Variants in COL21A1 observed in about 807,000 individuals in gnomAD.
COL21A1 encodes collagen alpha-1(XXI) chain.
COL21A1 carries 149 observed loss-of-function variants against 137.9 expected under a neutral mutation model. The observed-to-expected ratio is 1.08, with a 90% CI of 0.95 to 1.24. The LOEUF is 1.24. Ranked by LOEUF, COL21A1 falls within the 50% of genes most tolerant of loss-of-function variation. The pLI, the probability that COL21A1 is intolerant of heterozygous loss-of-function variation, is 0.00. For synonymous variants in COL21A1, 456 were observed against 391.5 expected (o/e 1.16, Z -1.95); for missense variants, 1,167 against 1,158.4 (o/e 1.01, Z -0.11).
At chr6:56,351,237 A>G (rs898253444) in intron 1 of COL21A1, among the ~76,000 whole-genome samples, 2 of 152,250 alleles carry the variant, frequency 1.3e-5, no homozygotes, top group Non-Finnish European at 2.9e-5. Context: ...TTTGAAGGCC[A>G]CTGCCAAAGA....
intron 9 of COL21A1, among the ~76,000 whole-genome samples, chr6:56,163,566 G>A (rs576919605): frequency 1.8e-4 from 27 of 152,038 alleles, no homozygotes; most frequent in South Asian, 4.1e-4. Flanking sequence ...AAAATTAGCC[G>A]GGCGCAGTGG....
intron 9 of COL21A1, among the ~76,000 whole-genome samples, chr6:56,159,151 G>A (rs1776007559): frequency 6.6e-6 from 1 of 151,972 alleles, no homozygotes; most frequent in Non-Finnish European, 1.5e-5. Context: ...CCACTCTAGA[G>A]TTAATAAGAG....
intron 16 of COL21A1, among the ~76,000 whole-genome samples, chr6:56,118,309 T>C (rs1240772660): frequency 6.6e-6 from 1 of 151,882 alleles, no homozygotes; most frequent in Non-Finnish European, 1.5e-5. Context: ...AGCAACTATA[T>C]GCCAATAAAT....
chr6:56,136,990 C>T (rs1774054081), intron 12 of COL21A1, among the ~76,000 whole-genome samples: 1 of 151,968 alleles, frequency 6.6e-6, no homozygotes, highest in African/African-American at 2.4e-5. Flanking sequence ...AGGCAGTAGA[C>T]TAAAAGAAGC....
chr6:56,115,301 GA>G (rs70986768), intron 16 of COL21A1, among the ~76,000 whole-genome samples: 66,068 of 140,638 alleles, frequency 0.47, 15,759 homozygotes, highest in East Asian at 0.74. Flanking sequence ...TAATAATAAA[GA>G]AAAAAAAAAA....
chr6:56,366,917 T>C (rs1766114597), intron 1 of COL21A1, among the ~76,000 whole-genome samples: 1 of 152,234 alleles, frequency 6.6e-6, no homozygotes, highest in Admixed American at 6.5e-5. Context: ...TCTAAGATTT[T>C]AGGGTGTCCT....
At chr6:56,169,414 A>G (rs1232704356) in intron 5 of COL21A1, among the ~76,000 whole-genome samples, 3 of 151,992 alleles carry the variant, frequency 2.0e-5, no homozygotes, top group African/African-American at 7.2e-5. Context: ...GATTGCCTTG[A>G]CCATGACACA....
Position 56,320,669 on chromosome 6 carries a change from C to T in COL21A1, c.-39+73302G>A, listed in dbSNP as rs9464377. Among the ~76,000 whole-genome samples, 592 of 152,224 alleles carry T rather than the reference C, an allele frequency of 3.9e-3. 6 individuals carry two copies. The highest frequency in any genetic ancestry group is 0.014 in the African/African-American group (567 of 41,560). On this transcript the variant is annotated intron_variant, in intron 1 of 28. Coordinates refer to the COL21A1 transcript ENST00000370819. ...AATAATTTCACATTTTCTGCTTCCCCTCCCTAGAAATCTCTTTCCATTGAT... is the reference window on the plus strand; with the variant it reads ...AATAATTTCACATTTTCTGCTTCCCTTCCCTAGAAATCTCTTTCCATTGAT...
intron 16 of COL21A1, among the ~76,000 whole-genome samples, chr6:56,103,721 T>C (rs116658780): frequency 6.6e-6 from 1 of 152,300 alleles, no homozygotes; most frequent in Non-Finnish European, 1.5e-5. Context: ...ACACTTAACA[T>C]ATTAACTGAA....
chr6:56,186,691 C>T (rs1268741399), intron 1 of COL21A1, among the ~76,000 whole-genome samples: 3 of 151,970 alleles, frequency 2.0e-5, no homozygotes, highest in Admixed American at 1.3e-4. Context: ...GAAAAAAATA[C>T]CATTTTCAAT....
chr6:56,112,672 T>G (rs1771538186), intron 16 of COL21A1, among the ~76,000 whole-genome samples: 1 of 149,588 alleles, frequency 6.7e-6, no homozygotes, highest in Non-Finnish European at 1.5e-5. Context: ...GAAGTTTTTT[T>G]TTCTTTTCTT....
At chr6:56,266,377 C>T (rs1763390684) in intron 1 of COL21A1, among the ~76,000 whole-genome samples, 1 of 152,130 alleles carries the variant, frequency 6.6e-6, no homozygotes, top group Admixed American at 6.5e-5. Context: ...GGAACACAGC[C>T]ATGATCTTTT....
At chr6:56,290,498 G>GGTTTTTT (rs371058894) in intron 1 of COL21A1, among the ~76,000 whole-genome samples, 50 of 132,988 alleles carry the variant, frequency 3.8e-4, no homozygotes, top group Non-Finnish European at 4.3e-4. Context: ...TCACTTAGGA[G>GGTTTTTT]ATTTTTTTTT....
intron 2 of COL21A1, among the ~76,000 whole-genome samples, chr6:56,181,875 T>A (rs1777923801): frequency 6.6e-6 from 1 of 152,214 alleles, no homozygotes; most frequent in Non-Finnish European, 1.5e-5. Context: ...ATACAGTGAT[T>A]GCATGAATTA....
At chr6:56,314,223 T>C (rs920748861) in intron 1 of COL21A1, among the ~76,000 whole-genome samples, 1 of 152,168 alleles carries the variant, frequency 6.6e-6, no homozygotes, top group Admixed American at 6.5e-5. Flanking sequence ...GAGCTTGTGA[T>C]CTGCCCACCT....
chr6:56,057,684 A>C lies in COL21A1; in HGVS notation c.2847T>G (p.Asp949Glu). Residue 949 changes from aspartate (D) to glutamate (E), a missense_variant, in exon 30 of 30, where the codon GAT becomes GAG. Coordinates refer to ENST00000244728, the MANE Select transcript of COL21A1 (RefSeq NM_030820.4). ...SLCFSVIARR[D>E]PFRKGPNY is the part of the protein sequence containing the mutation. ...AATAGTTTGGTCCTTTTCTGAACGG[A>C]TCTCTTCTGGCAATTACACTAAAAC... is the stretch of plus-strand genomic sequence containing the variant. 7 of 1,613,210 alleles carry C rather than the reference A, an allele frequency of 4.3e-6. No homozygotes were observed. Among genetic ancestry groups the C allele is most frequent in the South Asian group, 1.1e-5 (1 of 91,058 alleles).
intron 22 of COL21A1, chr6:56,068,688 AT>A (rs1306669384): frequency 6.2e-6 from 1 of 162,442 alleles, no homozygotes; most frequent in African/African-American, 2.4e-5. Flanking sequence ...CAAGAGGGGT[AT>A]TTGCATTTTG....
chr6:56,344,878 T>C (rs1038329126), intron 1 of COL21A1, among the ~76,000 whole-genome samples: 4 of 152,170 alleles, frequency 2.6e-5, no homozygotes, highest in Non-Finnish European at 4.4e-5. Context: ...ATAAGTTTCC[T>C]GAGGCCTCCC....
chr6:56,207,650 T>C (rs1211130937), intron 1 of COL21A1, among the ~76,000 whole-genome samples: 1 of 151,970 alleles, frequency 6.6e-6, no homozygotes, highest in East Asian at 1.9e-4. Context: ...ATTCCAACAA[T>C]AGAAAAAGAG....
Sources: allele counts gnomAD v4.1 joint callset (sites outside exome capture counted in the v4.1 genomes callset), GRCh38; gene constraint gnomAD v4.1.1; transcripts MANE v1.5; gene names NCBI Gene and HGNC (gene_info 2026-07-23, HGNC 2026-07-21).